Variants in ELAPOR2 observed in about 807,000 individuals in gnomAD.
ELAPOR2 encodes the protein endosome-lysosome associated apoptosis and autophagy regulator family member 2.
A neutral mutation model predicts 120.7 loss-of-function variants in ELAPOR2; 89 were observed. The ratio of observed to expected loss-of-function variants is 0.74; its 90% CI spans 0.62 to 0.88. ELAPOR2 has a LOEUF of 0.88. Ranked by LOEUF, ELAPOR2 falls within the 40% of genes least tolerant of loss-of-function variation. The probability of loss-of-function intolerance (pLI) is 0.00; values close to 1 mark genes in which losing one functional copy is unlikely to be tolerated. For missense variants in ELAPOR2, 1,134 were observed against 1,251.6 expected (o/e 0.91, Z 1.42); for synonymous variants, 444 against 444.9 (o/e 1.00, Z 0.03).
intron 8 of ELAPOR2, among the ~76,000 whole-genome samples, chr7:86,933,796 C>T (rs1450941480): frequency 6.6e-6 from 1 of 151,972 alleles, no homozygotes. Context: ...TCGAATAAAG[C>T]TTGCATTGCT....
chr7:87,057,375 A>G (rs927728858), intron 1 of ELAPOR2, among the ~76,000 whole-genome samples: 8 of 152,250 alleles, frequency 5.3e-5, no homozygotes, highest in African/African-American at 1.9e-4. Flanking sequence ...GGAGGTCACT[A>G]GGCCTCTTCT....
intron 1 of ELAPOR2, among the ~76,000 whole-genome samples, chr7:87,043,851 C>T (rs1219073611): frequency 6.6e-6 from 1 of 151,668 alleles, no homozygotes; most frequent in Non-Finnish European, 1.5e-5. Context: ...GACTGTATAT[C>T]TAGAAAACCC....
intron 1 of ELAPOR2, among the ~76,000 whole-genome samples, chr7:87,016,203 A>G: frequency 6.6e-6 from 1 of 152,302 alleles, no homozygotes; most frequent in Non-Finnish European, 1.5e-5. Flanking sequence ...GTTTATGTGT[A>G]TAGGGATATT....
intron 5 of ELAPOR2, 108 bp from the exon 6 acceptor site, chr7:86,940,223 A>C: frequency 3.7e-6 from 2 of 542,672 alleles, no homozygotes; most frequent in Non-Finnish European, 6.4e-6. Flanking sequence ...CATTAATTTA[A>C]AACCCACAGA....
At chr7:87,032,668 T>C (rs1253368539) in intron 1 of ELAPOR2, among the ~76,000 whole-genome samples, 3 of 152,180 alleles carry the variant, frequency 2.0e-5, no homozygotes, top group African/African-American at 7.2e-5. Context: ...ATGTGCTTCT[T>C]CACATAGAAG....
intron 3 of ELAPOR2, among the ~76,000 whole-genome samples, chr7:86,946,927 T>C (rs757457440): frequency 2.0e-5 from 3 of 151,754 alleles, no homozygotes; most frequent in Non-Finnish European, 4.4e-5. Flanking sequence ...TATCGAGAGA[T>C]TAAAATAAAG....
intron 1 of ELAPOR2, among the ~76,000 whole-genome samples, chr7:86,984,282 C>G (rs1377063318): frequency 6.6e-6 from 1 of 152,150 alleles, no homozygotes; most frequent in Non-Finnish European, 1.5e-5. Flanking sequence ...ATCAATGAGA[C>G]AGAAGGTTAA....
intron 1 of ELAPOR2, among the ~76,000 whole-genome samples, chr7:87,012,238 T>A (rs561763214): frequency 6.6e-6 from 1 of 152,046 alleles, no homozygotes; most frequent in African/African-American, 2.4e-5. Context: ...GGTGAAACCC[T>A]GTCTCTACTA....
chr7:87,016,578 C>T (rs1416133647), intron 1 of ELAPOR2, among the ~76,000 whole-genome samples: 1 of 151,362 alleles, frequency 6.6e-6, no homozygotes, highest in African/African-American at 2.4e-5. Context: ...GGTAATGTTG[C>T]AATTGCTTTT....
intron 1 of ELAPOR2, among the ~76,000 whole-genome samples, chr7:86,995,576 A>G (rs1793096218): frequency 6.6e-6 from 1 of 152,234 alleles, no homozygotes; most frequent in Non-Finnish European, 1.5e-5. Context: ...TGCAATAACA[A>G]CGTAAGACCT....
At chr7:86,973,494 C>A (rs1792173889) in intron 1 of ELAPOR2, among the ~76,000 whole-genome samples, 1 of 152,120 alleles carries the variant, frequency 6.6e-6, no homozygotes, top group South Asian at 2.1e-4. Flanking sequence ...CTACTCTTTG[C>A]AGGACCAAGG....
intron 1 of ELAPOR2, among the ~76,000 whole-genome samples, chr7:86,985,895 T>C (rs984390638): frequency 1.3e-5 from 2 of 151,546 alleles, no homozygotes; most frequent in African/African-American, 4.9e-5. Context: ...ATACTAGGTA[T>C]TGAGGGAACA....
intron 1 of ELAPOR2, among the ~76,000 whole-genome samples, chr7:87,036,826 G>C (rs1470848693): frequency 5.9e-5 from 9 of 152,122 alleles, no homozygotes; most frequent in Non-Finnish European, 1.3e-4. Flanking sequence ...AAACTGTTGG[G>C]TACTATGGTC....
chr7:86,968,970 C>A (rs979027092), intron 1 of ELAPOR2, among the ~76,000 whole-genome samples: 4 of 152,064 alleles, frequency 2.6e-5, no homozygotes, highest in African/African-American at 7.2e-5. Context: ...TCCCTATAAA[C>A]CTTGCATTGT....
At position 86,966,102 on chromosome 7, in the gene ELAPOR2, C is replaced by T. The variant is rs555435705; in HGVS notation, c.190-1078G>A. 12 of 246,498 alleles carry T rather than the reference C, an allele frequency of 4.9e-5. No individual in the cohort carries two copies. In the East Asian group the frequency reaches 1.8e-3, roughly 37 times the overall value. 15.3% of individuals were successfully genotyped at this position (246,498 alleles called of 1,614,324 possible). On this transcript the variant is annotated intron_variant, in intron 1 of 21. Coordinates refer to ENST00000450689, the MANE Select transcript of ELAPOR2 (RefSeq NM_001142749.3). ...TCTTCCCTCAATGTATCTTGCTTCT[C>T]TCATAATTACTATAAGCAACAAGAA...
intron 19 of ELAPOR2, among the ~76,000 whole-genome samples, chr7:86,893,322 A>G (rs1195983783): frequency 2.0e-5 from 3 of 152,092 alleles, no homozygotes; most frequent in African/African-American, 7.2e-5. Context: ...GAATTAATGA[A>G]TGAAAAATGT....
intron 2 of ELAPOR2, among the ~76,000 whole-genome samples, chr7:86,960,910 T>G (rs959637159): frequency 9.2e-5 from 14 of 152,168 alleles, no homozygotes; most frequent in Non-Finnish European, 1.9e-4. Flanking sequence ...TTTTTTTACT[T>G]GTCTGCATAT....
chr7:87,035,027 A>G (rs1273370551), intron 1 of ELAPOR2, among the ~76,000 whole-genome samples: 4 of 151,708 alleles, frequency 2.6e-5, no homozygotes, highest in African/African-American at 9.7e-5. Context: ...CAGAGGTTCC[A>G]GTGAGCCAAG....
intron 1 of ELAPOR2, among the ~76,000 whole-genome samples, chr7:86,973,867 C>T (rs1183907239): frequency 2.6e-5 from 4 of 152,152 alleles, no homozygotes; most frequent in Admixed American, 6.5e-5. Context: ...AGGGGCCCCT[C>T]TTGCCTGGTC....
Sources: gnomAD v4.1 joint callset for allele counts (sites outside exome capture counted in the v4.1 genomes callset) on GRCh38, gnomAD v4.1.1 for gene constraint, MANE v1.5 for transcripts, NCBI Gene and HGNC (gene_info 2026-07-23, HGNC 2026-07-21) for gene names.